Variants in AFG3L2 observed in about 807,000 individuals in gnomAD.
The protein encoded by AFG3L2 is AFG3 like matrix AAA peptidase subunit 2.
In AFG3L2, 54 loss-of-function variants were observed where a neutral mutation model predicts 94.5. The ratio of observed to expected loss-of-function variants is 0.57; its 90% CI spans 0.46 to 0.72. The LOEUF (loss-of-function observed/expected upper bound fraction) is 0.72. Ranked by LOEUF, AFG3L2 falls within the 30% of genes least tolerant of loss-of-function variation. The pLI, the probability that AFG3L2 is intolerant of heterozygous loss-of-function variation, is 0.00. For missense variants in AFG3L2, 754 were observed against 994.9 expected, an observed-to-expected ratio of 0.76 and a Z score of 3.26; for synonymous variants, 377 against 365.5, an observed-to-expected ratio of 1.03 and a Z score of -0.36.
intron 1 of AFG3L2, among the ~76,000 whole-genome samples, chr18:12,373,008 C>G (rs1385498951): frequency 6.6e-6 from 1 of 152,116 alleles, no homozygotes; most frequent in Non-Finnish European, 1.5e-5. Context: ...AACCAATGAA[C>G]TGTACATTTA....
Position 12,328,986 on chromosome 18 carries a change from AAAG to A in AFG3L2, c.*576_*578del. ...AGTGTTGACATTTTATTTTTTATGT[AAAG>A]AAGCCATATTTACATAATACATTCA... is the stretch of plus-strand genomic sequence containing the variant. On this transcript the variant is annotated 3_prime_UTR_variant, in exon 17 of 17. Coordinates refer to ENST00000269143, the MANE Select transcript of AFG3L2 (RefSeq NM_006796.3). The A allele has an allele frequency of 1.7e-6, 1 of 580,910 alleles. No homozygotes were observed. 36.0% of individuals were successfully genotyped at this position (580,910 alleles called of 1,614,324 possible).
chr18:12,359,338 T>C (rs575682585), intron 7 of AFG3L2, among the ~76,000 whole-genome samples: 79 of 152,192 alleles, frequency 5.2e-4, no homozygotes, highest in Non-Finnish European at 6.8e-4. Flanking sequence ...GCTAAAATCC[T>C]ACCAAAGGTC....
chr18:12,343,842 G>A (rs1908034037), intron 14 of AFG3L2: 1 of 490,318 alleles, frequency 2.0e-6, no homozygotes, highest in South Asian at 2.1e-5. Flanking sequence ...TGGCAAGAAA[G>A]CCACAGGCTC....
intron 8 of AFG3L2, among the ~76,000 whole-genome samples, chr18:12,357,368 C>G (rs1211218584): frequency 6.6e-6 from 1 of 152,066 alleles, no homozygotes; most frequent in African/African-American, 2.4e-5. Flanking sequence ...CACTGACTAC[C>G]CACAAACAGT....
intron 9 of AFG3L2, among the ~76,000 whole-genome samples, chr18:12,353,560 C>T (rs1436437397): frequency 6.6e-6 from 1 of 151,410 alleles, no homozygotes; most frequent in African/African-American, 2.4e-5. Flanking sequence ...TTCAGCTTCC[C>T]GTCCCATGTG....
chr18:12,333,159 A>G (rs1310182562), intron 16 of AFG3L2, among the ~76,000 whole-genome samples: 8 of 31,158 alleles, frequency 2.6e-4, no homozygotes, highest in Non-Finnish European at 6.5e-4. Context: ...TAATAATCTA[A>G]TATATATAAT....
rs185171324 is a variant in AFG3L2, at chr18:12,347,075, C to T, written c.1663+1198G>A. On this transcript the variant is annotated intron_variant, in intron 13 of 16. Coordinates refer to ENST00000269143, the MANE Select transcript of AFG3L2 (RefSeq NM_006796.3). ...CCTGGAGGTGGAGGTTGCAGTGAGC[C>T]GAGATTGTGCCACTGCACCCCAGCC... Among the ~76,000 whole-genome samples, 345 of 152,106 alleles carry T rather than the reference C, an allele frequency of 2.3e-3. 1 individual carries two copies. Among genetic ancestry groups the T allele is most frequent in the South Asian group, 3.7e-3 (18 of 4,810 alleles).
chr18:12,373,097 T>C (rs1387731353), intron 1 of AFG3L2, among the ~76,000 whole-genome samples: 1 of 152,178 alleles, frequency 6.6e-6, no homozygotes, highest in African/African-American at 2.4e-5. Context: ...TTCAAATAAA[T>C]ACAGAATTCC....
intron 13 of AFG3L2, among the ~76,000 whole-genome samples, chr18:12,347,583 C>G (rs927539806): frequency 4.0e-5 from 6 of 149,436 alleles, no homozygotes; most frequent in African/African-American, 1.5e-4. Context: ...CAGAGACTTA[C>G]TCTGCTGCCC....
rs1908054312 is a variant in AFG3L2 at position 12,344,303 on chromosome 18, A to G, written c.1664-56T>C. ...CATTGTTACAGTGACACTGACATTA[A>G]AAGACAGTTATACAGTGCTATACAT... On this transcript the variant is annotated intron_variant, in intron 13 of 16. Transcript: ENST00000269143. The G allele has an allele frequency of 2.1e-6, 3 of 1,398,828 alleles. No homozygotes were observed. In the African/African-American group the frequency reaches 4.2e-5, roughly 20 times the overall value. The allele number at this position is 1,398,828 out of a possible 1,614,324, so 86.7% of individuals were successfully genotyped here. A position where few individuals can be genotyped will look rare whatever the true frequency, so the allele number is the denominator to read the frequency against.
intron 10 of AFG3L2, 101 bp downstream of exon 10, chr18:12,352,904 G>A (rs1462014555): frequency 7.8e-6 from 12 of 1,548,048 alleles, no homozygotes; most frequent in South Asian, 4.5e-5. Context: ...GCAGTGAGCC[G>A]AAATCACACC....
At chr18:12,357,880 T>C (rs1908541593) in intron 8 of AFG3L2, among the ~76,000 whole-genome samples, 1 of 152,080 alleles carries the variant, frequency 6.6e-6, no homozygotes, top group Admixed American at 6.6e-5. Flanking sequence ...ATTACAGGAG[T>C]GAGCCACTGC....
intron 3 of AFG3L2, among the ~76,000 whole-genome samples, chr18:12,370,463 CTTTTTT>C (rs71369930): frequency 8.3e-6 from 1 of 121,042 alleles, no homozygotes; most frequent in Non-Finnish European, 1.7e-5. Flanking sequence ...CTATAACTTT[CTTTTTT>C]TTTTTTTTTT....
At chr18:12,365,516 C>T (rs3786260) in intron 5 of AFG3L2, among the ~76,000 whole-genome samples, 103,537 of 152,098 alleles carry the variant, frequency 0.68, 37,118 homozygotes, top group Non-Finnish European at 0.81. Context: ...CATCTCCCTA[C>T]GCACAGGACA....
intron 14 of AFG3L2, chr18:12,342,887 C>T (rs772565294): frequency 1.2e-4 from 18 of 152,162 alleles, no homozygotes; most frequent in Admixed American, 2.6e-4. Flanking sequence ...CTTACCAGCA[C>T]TACACTCTCA....
At chr18:12,337,643 CCAG>C (rs376213367) in intron 15 of AFG3L2, 108 bp from the exon 16 acceptor site, 6,671 of 879,922 alleles carry the variant, frequency 7.6e-3, no homozygotes, top group South Asian at 0.011. Flanking sequence ...CTCTGTGTAG[CCAG>C]CAGCAGCAGC....
intron 3 of AFG3L2, 48 bp downstream of exon 3, chr18:12,370,801 A>G: frequency 8.1e-7 from 1 of 1,240,800 alleles, no homozygotes; most frequent in Non-Finnish European, 1.2e-6. Flanking sequence ...CCACCATTAT[A>G]CATGAGGGGA....
intron 7 of AFG3L2, 114 bp from the exon 8 acceptor site, chr18:12,359,057 A>G: frequency 1.4e-6 from 2 of 1,437,166 alleles, no homozygotes; most frequent in Non-Finnish European, 1.9e-6. Flanking sequence ...TACCTTCTGC[A>G]CTTAATACAA....
intron 12 of AFG3L2, among the ~76,000 whole-genome samples, chr18:12,349,434 A>G (rs1908243791): frequency 6.6e-6 from 1 of 152,194 alleles, no homozygotes; most frequent in Admixed American, 6.5e-5. Flanking sequence ...TGACCACAAA[A>G]AATCTGTACA....
Sources: gnomAD v4.1 joint callset for allele counts (sites outside exome capture counted in the v4.1 genomes callset) on GRCh38, gnomAD v4.1.1 for gene constraint, MANE v1.5 for transcripts, NCBI Gene and HGNC (gene_info 2026-07-23, HGNC 2026-07-21) for gene names.